DNAJC27: variants seen among roughly 807,000 people sequenced by gnomAD.
The protein encoded by DNAJC27 is dnaJ homolog subfamily C member 27.
Under a neutral mutation model 31.4 loss-of-function variants are expected in DNAJC27, and 25 were observed. The ratio of observed to expected loss-of-function variants is 0.80; its 90% CI spans 0.58 to 1.11. The LOEUF is 1.11. DNAJC27 is among the 50% of genes most tolerant of loss of function. The probability of loss-of-function intolerance (pLI) is 0.00; values close to 1 mark genes in which losing one functional copy is unlikely to be tolerated. For missense variants in DNAJC27, 356 were observed against 347.3 expected, an observed-to-expected ratio of 1.02 and a Z score of -0.20; for synonymous variants, 106 against 112.7, an observed-to-expected ratio of 0.94 and a Z score of 0.37.
chr2:24,963,501 G>A (rs777278893), intron 2 of DNAJC27, 27 bp from the exon 3 acceptor site: 12 of 1,580,116 alleles, frequency 7.6e-6, no homozygotes, highest in South Asian at 4.5e-5. Flanking sequence ...GAAACAATCC[G>A]AAAGAAAGTC....
intron 6 of DNAJC27, among the ~76,000 whole-genome samples, chr2:24,948,990 T>G (rs1208447639): frequency 1.3e-5 from 2 of 152,198 alleles, no homozygotes; most frequent in Admixed American, 6.5e-5. Context: ...GATGGAAAGT[T>G]TTATGTATCA....
At chr2:24,952,855 A>C (rs1196108268) in intron 5 of DNAJC27, among the ~76,000 whole-genome samples, 1 of 152,188 alleles carries the variant, frequency 6.6e-6, no homozygotes, top group Admixed American at 6.5e-5. Flanking sequence ...GAAAGTGGGT[A>C]TCTTTCCAAA....
At chr2:24,968,387 T>C (rs1346975227) in intron 1 of DNAJC27, among the ~76,000 whole-genome samples, 1 of 152,188 alleles carries the variant, frequency 6.6e-6, no homozygotes, top group East Asian at 1.9e-4. Context: ...TCATCCTATA[T>C]TTTCCAAATC....
In DNAJC27 at chr2:24,947,383, A is replaced by G. The variant is rs1024580095; in HGVS notation, c.*233T>C. 1 of 413,916 alleles carries G rather than the reference A, an allele frequency of 2.4e-6. No homozygotes were observed. 25.6% of individuals were successfully genotyped at this position (413,916 alleles called of 1,614,324 possible). On this transcript the variant is annotated 3_prime_UTR_variant, in exon 7 of 7. Transcript: ENST00000264711. ...ATGAGAAAAAAATTCAGAATTATCT[A>G]GAAATATGAAATGAAGTACAGGGTG...
chr2:24,952,664 G>A (rs182039974), intron 5 of DNAJC27, among the ~76,000 whole-genome samples: 2 of 151,772 alleles, frequency 1.3e-5, no homozygotes, highest in African/African-American at 4.8e-5. Context: ...TAATTTTTGA[G>A]TCTGACAACC....
intron 2 of DNAJC27, among the ~76,000 whole-genome samples, chr2:24,966,172 G>T (rs1473257694): frequency 6.6e-6 from 1 of 152,214 alleles, no homozygotes; most frequent in Admixed American, 6.5e-5. Context: ...GGGCAGGGCT[G>T]TTCCAAGTGG....
chr2:24,954,019 C>T (rs999253290), intron 5 of DNAJC27, among the ~76,000 whole-genome samples: 3 of 152,112 alleles, frequency 2.0e-5, no homozygotes, highest in African/African-American at 7.2e-5. Context: ...TGCTTGGAGT[C>T]CATTTCCTGA....
Position 24,966,615 on chromosome 2 carries a change from C to T in DNAJC27, c.170+596G>A, listed in dbSNP as rs544461501. Among the ~76,000 whole-genome samples the T allele has an allele frequency of 3.9e-5, 6 of 152,256 alleles. 1 individual carries two copies. In the South Asian group the frequency reaches 1.2e-3, roughly 32 times the overall value. On this transcript the variant is annotated intron_variant, in intron 2 of 6. Coordinates refer to ENST00000264711, the MANE Select transcript of DNAJC27 (RefSeq NM_016544.3). ...CTGGGACTACAGGTGTGTGCCACCA[C>T]ACCCGGCTAATTTTTGCATTTTTCT...
intron 4 of DNAJC27, 44 bp downstream of exon 4, chr2:24,957,766 C>T (rs545876669): frequency 1.9e-6 from 3 of 1,568,158 alleles, no homozygotes; most frequent in East Asian, 2.2e-5. Flanking sequence ...CAAAGCTCCA[C>T]TCTTTCCCTA....
rs767923723 is a variant in DNAJC27, at chr2:24,967,207, T to G, written c.170+4A>C. 5.6e-6 allele frequency: 9 copies of G among 1,610,094 alleles called. No homozygotes were observed. Among genetic ancestry groups the G allele is most frequent in the Non-Finnish European group, 7.6e-6 (9 of 1,176,588 alleles). On this transcript the variant is annotated splice_donor_region_variant and intron_variant, in intron 2 of 6. Transcript: ENST00000264711. ...TTACAAACCCAGGGAAACAATATAC[T>G]TACTTTGTGACTCCATAGTCAATTC...
In DNAJC27 at chr2:24,971,937, T is replaced by G. The variant is rs1345614597; in HGVS notation, c.-33A>C. The stretch of plus-strand genomic sequence containing the variant: ...GCTCTCTCGGGGCCACCCGCCTCGG[T>G]CTCTTCTTGTGCACCGCTGGCCCGT... On this transcript the variant is annotated 5_prime_UTR_variant, in exon 1 of 7. Coordinates refer to ENST00000264711, the MANE Select transcript of DNAJC27 (RefSeq NM_016544.3). 8 of 1,529,698 alleles carry G rather than the reference T, an allele frequency of 5.2e-6. No homozygotes were observed. Among genetic ancestry groups the G allele is most frequent in the Non-Finnish European group, 6.2e-6 (7 of 1,134,262 alleles). The allele number at this position is 1,529,698 out of a possible 1,614,324, so 94.8% of individuals were successfully genotyped here.
Position 24,951,468 on chromosome 2 carries a change from T to A in DNAJC27, c.615A>T (p.Gln205His). The A allele has an allele frequency of 6.2e-7, 1 of 1,613,978 alleles. No homozygotes were observed. The highest frequency in any genetic ancestry group is 8.5e-7 in the Non-Finnish European group (1 of 1,179,924). Residue 205 changes from glutamine (Q) to histidine (H), a missense_variant, in exon 6 of 7, where the codon CAA (glutamine) becomes CAT (histidine). By Grantham distance (24) the Gln-to-His change is conservative. Transcript: ENST00000264711. ...TNSSASFTKE[Q>H]ADAIRRIRNS... is the part of the protein sequence containing the mutation. ...TTCGAATTCTGCGAATGGCATCTGCTTGTTCTTTGGTGAAACTAGCACTGC... is the reference window on the plus strand; with the variant it reads ...TTCGAATTCTGCGAATGGCATCTGCATGTTCTTTGGTGAAACTAGCACTGC...
chr2:24,967,316 C>G, intron 1 of DNAJC27, 23 bp from the exon 2 acceptor site: 1 of 1,485,476 alleles, frequency 6.7e-7, no homozygotes, highest in South Asian at 1.1e-5. Flanking sequence ...AAAATACAGG[C>G]ATTTAGTAAA....
rs6749438 is a variant in DNAJC27, at chr2:24,967,258, G to A, written c.123C>T (p.Phe41=). The A allele has an allele frequency of 0.055, 88,251 of 1,611,958 alleles. 6,840 individuals carry two copies. Among genetic ancestry groups the A allele is most frequent in the African/African-American group, 0.38 (28,275 of 74,666 alleles). The change falls in exon 2 of 7, where the codon TTC becomes TTT. Residue 41 remains phenylalanine, a synonymous_variant. Coordinates refer to ENST00000264711, the MANE Select transcript of DNAJC27 (RefSeq NM_016544.3). ...CIIKRYCEKR[F]VSKYLATIGI... ...CAATTGTTGCCAGGTATTTAGACAC[G>A]AATCTTTTCTCACAGTATCGCTTTA...
At chr2:24,964,160 C>T (rs910112601) in intron 2 of DNAJC27, among the ~76,000 whole-genome samples, 4 of 151,940 alleles carry the variant, frequency 2.6e-5, no homozygotes, top group Non-Finnish European at 4.4e-5. Flanking sequence ...GTGGCTCACG[C>T]CTGTAATCCC....
Position 24,957,879 on chromosome 2 carries a change from T to C in DNAJC27, c.336A>G (p.Ala112=), listed in dbSNP as rs1459706330. 1.2e-6 allele frequency: 2 copies of C among 1,614,112 alleles called. No individual in the cohort carries two copies. Among genetic ancestry groups the C allele is most frequent in the Admixed American group, 1.7e-5 (1 of 60,012 alleles). The change falls in exon 4 of 7, where the codon GCA becomes GCG. Residue 112 remains alanine, a synonymous_variant. Coordinates refer to ENST00000264711, the MANE Select transcript of DNAJC27 (RefSeq NM_016544.3). ...DSFDALDAWL[A]EMKQELGPHG... is the part of the protein sequence containing the mutation. ...GAGGTCCAAGCTCTTGCTTCATTTC[T>C]GCCAGCCACGCATCAAGGGCGTCAA...
chr2:24,970,009 T>G (rs1201287625), intron 1 of DNAJC27, among the ~76,000 whole-genome samples: 4 of 152,212 alleles, frequency 2.6e-5, no homozygotes, highest in Admixed American at 2.6e-4. Flanking sequence ...AAGGAAAAAG[T>G]ATATCTTTCC....
At chr2:24,969,895 T>C (rs1288584407) in intron 1 of DNAJC27, among the ~76,000 whole-genome samples, 2 of 152,198 alleles carry the variant, frequency 1.3e-5, no homozygotes, top group South Asian at 2.1e-4. Flanking sequence ...TAGTCTTGTA[T>C]TATGTTCTGG....
At chr2:24,969,893 T>A (rs903942580) in intron 1 of DNAJC27, among the ~76,000 whole-genome samples, 34 of 152,182 alleles carry the variant, frequency 2.2e-4, no homozygotes, top group Non-Finnish European at 4.4e-4. Context: ...AGTAGTCTTG[T>A]ATTATGTTCT....
Sources: gnomAD v4.1 joint callset for allele counts (sites outside exome capture counted in the v4.1 genomes callset) on GRCh38, gnomAD v4.1.1 for gene constraint, MANE v1.5 for transcripts, NCBI Gene and HGNC (gene_info 2026-07-23, HGNC 2026-07-21) for gene names.